The following CLIC5 variants were observed in gnomAD, a reference collection of about 807,000 sequenced individuals.
CLIC5 encodes the protein chloride intracellular channel protein 5.
Under a neutral mutation model 24.7 loss-of-function variants are expected in CLIC5, and 20 were observed. The observed-to-expected ratio is 0.81, with a 90% CI of 0.57 to 1.18. The LOEUF (loss-of-function observed/expected upper bound fraction) is 1.18. Ranked by LOEUF, CLIC5 falls within the 50% of genes most tolerant of loss-of-function variation. The pLI is 0.00. For missense variants in CLIC5, 341 were observed against 326.1 expected (o/e 1.05, Z -0.35); for synonymous variants, 159 against 135.6 (o/e 1.17, Z -1.20).
rs373457517 is a variant in CLIC5, at chr6:46,000,297, A to G, written c.63+15183T>C. On this transcript the variant is annotated intron_variant, in intron 1 of 5. Coordinates refer to ENST00000339561, the MANE Select transcript of CLIC5 (RefSeq NM_016929.5). ...GTTTGGAGGTTAACTGTATATATGT[A>G]AAACACACACATACTGTGTATGTCT... Among the ~76,000 whole-genome samples the G allele has an allele frequency of 2.0e-4, 30 of 152,288 alleles. No individual in the cohort carries two copies. The South Asian group carries it at 5.8e-3, about 29-fold the overall frequency.
intron 1 of CLIC5, among the ~76,000 whole-genome samples, chr6:46,034,214 T>C (rs1767599247): frequency 6.6e-6 from 1 of 152,230 alleles, no homozygotes; most frequent in Non-Finnish European, 1.5e-5. Flanking sequence ...CCATCTCCCA[T>C]CACCATATAT....
intron 4 of CLIC5, among the ~76,000 whole-genome samples, chr6:45,930,721 G>A (rs1263206986): frequency 6.6e-6 from 1 of 152,180 alleles, no homozygotes; most frequent in African/African-American, 2.4e-5. Context: ...ATTAATAGCA[G>A]CAGCAGCAAC....
At chr6:46,043,872 A>G (rs1030046998) in intron 1 of CLIC5, among the ~76,000 whole-genome samples, 1 of 152,204 alleles carries the variant, frequency 6.6e-6, no homozygotes, top group Non-Finnish European at 1.5e-5. Flanking sequence ...AGCAGAGTTT[A>G]TCATTGCATT....
At chr6:46,071,724 T>C (rs1326875461) in intron 1 of CLIC5, among the ~76,000 whole-genome samples, 1 of 152,118 alleles carries the variant, frequency 6.6e-6, no homozygotes, top group Non-Finnish European at 1.5e-5. Flanking sequence ...TACCCAGCAA[T>C]CTCATTACTG....
At chr6:45,937,117 C>T (rs1763966323) in intron 4 of CLIC5, among the ~76,000 whole-genome samples, 1 of 152,190 alleles carries the variant, frequency 6.6e-6, no homozygotes, top group Non-Finnish European at 1.5e-5. Context: ...ACTGACGCTC[C>T]TTGATGACAC....
intron 5 of CLIC5, chr6:45,912,269 G>A (rs1049848441): frequency 1.2e-5 from 12 of 996,240 alleles, no homozygotes; most frequent in Non-Finnish European, 1.2e-5. Context: ...AGAGATAGGG[G>A]CCAAGGGCTG....
At chr6:46,098,794 CAA>C in the CLIC5 span, among the ~76,000 whole-genome samples, 3 of 152,236 alleles carry the variant, frequency 2.0e-5, no homozygotes, top group South Asian at 2.1e-4. Context: ...ATCAGAAAGT[CAA>C]AGAGTCTGAG....
chr6:45,918,735 G>A (rs1007237041), intron 4 of CLIC5, among the ~76,000 whole-genome samples: 15 of 152,238 alleles, frequency 9.9e-5, no homozygotes, highest in African/African-American at 3.6e-4. Flanking sequence ...GGCCTGGGCC[G>A]AGTACCCTCT....
chr6:46,048,160 G>A (rs1387869529), intron 1 of CLIC5, among the ~76,000 whole-genome samples: 2 of 151,978 alleles, frequency 1.3e-5, no homozygotes, highest in African/African-American at 4.8e-5. Context: ...ATGCCACCAC[G>A]CCTGGTTAAT....
chr6:45,967,628 G>T (rs4711838), intron 1 of CLIC5, among the ~76,000 whole-genome samples: 37,441 of 152,174 alleles, frequency 0.25, 5,704 homozygotes, highest in Middle Eastern at 0.41. Context: ...CCTGAGACTG[G>T]GTAATTTATA....
chr6:45,934,801 C>A (rs1763871736), intron 4 of CLIC5, among the ~76,000 whole-genome samples: 1 of 152,194 alleles, frequency 6.6e-6, no homozygotes. Flanking sequence ...GATGGTAATT[C>A]TTGGTAGGAC....
the CLIC5 span, among the ~76,000 whole-genome samples, chr6:46,107,947 T>G: frequency 1.4e-5 from 2 of 147,842 alleles, no homozygotes; most frequent in African/African-American, 5.0e-5. Flanking sequence ...GGCAGGAGAA[T>G]TGCTTGAACC....
intron 1 of CLIC5, among the ~76,000 whole-genome samples, chr6:46,073,492 T>C (rs1157443787): frequency 6.6e-6 from 1 of 152,236 alleles, no homozygotes; most frequent in Non-Finnish European, 1.5e-5. Flanking sequence ...ATGATATATT[T>C]ATATCTAAAT....
chr6:45,923,154 C>A (rs1281591096), intron 4 of CLIC5, among the ~76,000 whole-genome samples: 1 of 152,138 alleles, frequency 6.6e-6, no homozygotes, highest in Non-Finnish European at 1.5e-5. Flanking sequence ...GCTATTAATG[C>A]TGATTGTAGT....
intron 1 of CLIC5, among the ~76,000 whole-genome samples, chr6:46,029,681 CAA>C (rs35345120): frequency 6.8e-6 from 1 of 147,974 alleles, no homozygotes; most frequent in African/African-American, 2.5e-5. Flanking sequence ...CATCTTCTTA[CAA>C]AAAAAAAAGT....
intron 4 of CLIC5, among the ~76,000 whole-genome samples, chr6:45,932,275 A>G (rs907923224): frequency 1.5e-4 from 23 of 151,862 alleles, no homozygotes; most frequent in African/African-American, 5.1e-4. Flanking sequence ...CGACCAGCTA[A>G]TTTTTGTATT....
chr6:46,094,176 G>A, the CLIC5 span, among the ~76,000 whole-genome samples: 2 of 152,166 alleles, frequency 1.3e-5, no homozygotes, highest in Admixed American at 1.3e-4. Context: ...CTTCCACCAG[G>A]CCCCATCACC....
At chr6:46,025,578 A>T (rs962106306) in intron 1 of CLIC5, among the ~76,000 whole-genome samples, 2 of 152,194 alleles carry the variant, frequency 1.3e-5, no homozygotes, top group African/African-American at 4.8e-5. Context: ...TGAATAGTAA[A>T]CCAAAGAAAT....
At position 45,913,676 on chromosome 6, in the gene CLIC5, G is replaced by T. The variant is rs577681142; in HGVS notation, c.588+552C>A. The T allele has an allele frequency of 3.3e-5, 23 of 704,634 alleles. No homozygotes were observed. The African/African-American group carries it at 3.9e-4, about 12-fold the overall frequency. 43.6% of individuals were successfully genotyped at this position (704,634 alleles called of 1,614,324 possible). ...TATATAGGAGAGGATGACACTACAT[G>T]CTGCAAATGGTTAGTAAGTGCAATG... On this transcript the variant is annotated intron_variant, in intron 5 of 5. Transcript: ENST00000339561.
Sources: gnomAD v4.1 joint callset for allele counts (sites outside exome capture counted in the v4.1 genomes callset) on GRCh38, gnomAD v4.1.1 for gene constraint, MANE v1.5 for transcripts, NCBI Gene and HGNC (gene_info 2026-07-23, HGNC 2026-07-21) for gene names.